Variants in TUBB1 observed in about 807,000 individuals in gnomAD.
TUBB1 encodes tubulin beta 1 class VI.
TUBB1 carries 28 observed loss-of-function variants against 22.6 expected under a neutral mutation model. The ratio of observed to expected loss-of-function variants is 1.24; its 90% CI spans 0.92 to 1.70. The LOEUF is 1.70. TUBB1 is among the 40% of genes most tolerant of loss of function. TUBB1 has a pLI of 0.00. For synonymous variants in TUBB1, 226 were observed against 238.0 expected (o/e 0.95, Z 0.46); for missense variants, 577 against 605.5 (o/e 0.95, Z 0.49).
chr20:59,022,522 T>C (rs1367614087), intron 1 of TUBB1, among the ~76,000 whole-genome samples: 1 of 152,204 alleles, frequency 6.6e-6, no homozygotes, highest in Non-Finnish European at 1.5e-5. Context: ...TAGAGCTATA[T>C]TGACATTAAA....
intron 1 of TUBB1, among the ~76,000 whole-genome samples, chr20:59,022,349 A>C (rs1030328862): frequency 6.6e-6 from 1 of 151,922 alleles, no homozygotes; most frequent in Non-Finnish European, 1.5e-5. Flanking sequence ...CTAATTACTT[A>C]AAATCATGCA....
Position 59,019,573 on chromosome 20 carries a change from A to G in TUBB1, c.51A>G (p.Gly17=). ...TTGGCCAGTGTGGCAACCAGATCGG[A>G]GCCAAGGTAAGTAATGTCTGGTTAC... is the stretch of plus-strand genomic sequence containing the variant. ...IQIGQCGNQI[G]AKFWEMIGEE... The change falls in exon 1 of 4, where the codon GGA becomes GGG. Residue 17 remains glycine, a synonymous_variant. Coordinates refer to ENST00000217133, the MANE Select transcript of TUBB1 (RefSeq NM_030773.4). 2.5e-6 allele frequency: 4 copies of G among 1,614,226 alleles called. No individual in the cohort carries two copies. The highest frequency in any genetic ancestry group is 3.4e-6 in the Non-Finnish European group (4 of 1,180,024).
At chr20:59,021,353 A>T (rs2091966187) in intron 1 of TUBB1, among the ~76,000 whole-genome samples, 1 of 152,188 alleles carries the variant, frequency 6.6e-6, no homozygotes, top group African/African-American at 2.4e-5. Flanking sequence ...TTAGAACTTG[A>T]ATTTATTTAT....
At position 59,024,701 on chromosome 20, in the gene TUBB1, T is replaced by G; in HGVS notation, c.1274T>G (p.Phe425Cys). ...IHDLVSEYQQ[F>C]QDAKAVLEED... ...GATTTGGTATCCGAGTACCAACAATTTCAAGATGCCAAAGCAGTTCTAGAG... is the reference window on the plus strand; with the variant it reads ...GATTTGGTATCCGAGTACCAACAATGTCAAGATGCCAAAGCAGTTCTAGAG... Residue 425 changes from phenylalanine to cysteine, a missense_variant, in exon 4 of 4, where the codon TTT (phenylalanine) becomes TGT (cysteine). Coordinates refer to ENST00000217133, the MANE Select transcript of TUBB1 (RefSeq NM_030773.4). This position sits in a 1 kb window ranked among gnomAD's most constrained non-coding sequence, Gnocchi z 4.9. The G allele has an allele frequency of 1.2e-6, 2 of 1,614,086 alleles. No individual in the cohort carries two copies. The highest frequency in any genetic ancestry group is 1.7e-6 in the Non-Finnish European group (2 of 1,180,012).
chr20:59,019,224 T>C (rs942711318), upstream of TUBB1: 1 of 475,038 alleles, frequency 2.1e-6, no homozygotes, highest in African/African-American at 2.0e-5. Context: ...AGGTGGCCTT[T>C]AATCTTGCAC....
chr20:59,016,672 G>A (rs1204150710), upstream of TUBB1, among the ~76,000 whole-genome samples: 2 of 152,118 alleles, frequency 1.3e-5, no homozygotes, highest in African/African-American at 4.8e-5. Flanking sequence ...TAATGTCTAT[G>A]GAAACAGAAT....
chr20:59,024,267 G>C lies in TUBB1; in HGVS notation c.840G>C (p.Gln280His). The change falls in exon 4 of 4, where the codon CAG becomes CAC. Residue 280 changes from glutamine to histidine, a missense_variant. By Grantham distance (24) the Gln-to-His change is conservative (BLOSUM62 0). Coordinates refer to ENST00000217133, the MANE Select transcript of TUBB1 (RefSeq NM_030773.4). The surrounding 1 kb of genome is among the most constrained non-coding windows in gnomAD (Gnocchi z 4.9). ...CACTCACGGCCCAGGGCAGCCAGCAGTACCGAGCCCTCTCCGTGGCCGAGC... is the reference window on the plus strand; with the variant it reads ...CACTCACGGCCCAGGGCAGCCAGCACTACCGAGCCCTCTCCGTGGCCGAGC... ...FAPLTAQGSQ[Q>H]YRALSVAELT... 6.2e-7 allele frequency: 1 copy of C among 1,614,040 alleles called. No individual in the cohort carries two copies. Among genetic ancestry groups the C allele is most frequent in the Non-Finnish European group, 8.5e-7 (1 of 1,180,048 alleles).
At chr20:59,022,360 C>G (rs1377647467) in intron 1 of TUBB1, among the ~76,000 whole-genome samples, 1 of 148,000 alleles carries the variant, frequency 6.8e-6, no homozygotes, top group Non-Finnish European at 1.5e-5. Flanking sequence ...AAATCATGCA[C>G]AGAGGTCCAA....
In TUBB1 at chr20:59,024,895, T is replaced by G; in HGVS notation, c.*112T>G. ...CTGCACTGCAGCACAGTGAATGATA[T>G]GCACTCACCATTAGCTTCGACACAG... On this transcript the variant is annotated 3_prime_UTR_variant, in exon 4 of 4. Transcript: ENST00000217133. This position sits in a 1 kb window ranked among gnomAD's most constrained non-coding sequence, Gnocchi z 4.9. 1.1e-6 allele frequency: 1 copy of G among 945,010 alleles called. No individual in the cohort carries two copies. The highest frequency in any genetic ancestry group is 1.7e-6 in the Non-Finnish European group (1 of 592,430). The allele number at this position is 945,010 out of a possible 1,614,324, so 58.5% of individuals were successfully genotyped here. A position where few individuals can be genotyped will look rare whatever the true frequency, so the allele number is the denominator to read the frequency against.
chr20:59,023,095 A>G (rs2091976035), intron 2 of TUBB1, 142 bp downstream of exon 2: 1 of 816,334 alleles, frequency 1.2e-6, no homozygotes, highest in Non-Finnish European at 2.0e-6. Flanking sequence ...AGGATCCTAG[A>G]GTGGTGGGTC....
Position 59,024,297 on chromosome 20 carries a change from CCAG to C in TUBB1, c.874_876del (p.Gln292del), listed in dbSNP as rs776328793. ...GAGCCCTCTCCGTGGCCGAGCTCAC[CCAG>C]CAGATGTTCGATGCCCGCAATACCA... On this transcript the variant is annotated inframe_deletion, in exon 4 of 4. Transcript: ENST00000217133. The surrounding 1 kb of genome is among the most constrained non-coding windows in gnomAD (Gnocchi z 4.9). 1.2e-6 allele frequency: 2 copies of C among 1,614,040 alleles called. No individual in the cohort carries two copies. The highest frequency in any genetic ancestry group is 1.1e-5 in the South Asian group (1 of 91,084).
At chr20:59,022,783 T>C in intron 1 of TUBB1, 62 bp from the exon 2 acceptor site, 1 of 1,499,194 alleles carries the variant, frequency 6.7e-7, no homozygotes, top group Non-Finnish European at 9.3e-7. Context: ...ATGCTAACTT[T>C]CTCTGTGGTT....
At position 59,024,694 on chromosome 20, in the gene TUBB1, C is replaced by G; in HGVS notation, c.1267C>G (p.Gln423Glu). ...CATCCATGATTTGGTATCCGAGTACCAACAATTTCAAGATGCCAAAGCAGT... is the reference window on the plus strand; with the variant it reads ...CATCCATGATTTGGTATCCGAGTACGAACAATTTCAAGATGCCAAAGCAGT... ...NNIHDLVSEY[Q>E]QFQDAKAVLE... Residue 423 changes from glutamine (Q) to glutamate (E), a missense_variant, in exon 4 of 4, where the codon CAA (glutamine) becomes GAA (glutamate). Transcript: ENST00000217133. The surrounding 1 kb of genome is among the most constrained non-coding windows in gnomAD (Gnocchi z 4.9). The G allele has an allele frequency of 6.2e-7, 1 of 1,613,934 alleles. No homozygotes were observed. Among genetic ancestry groups the G allele is most frequent in the South Asian group, 1.1e-5 (1 of 91,050 alleles).
chr20:59,023,725 A>C lies in TUBB1; in HGVS notation c.298A>C (p.Asn100His), dbSNP rs1380394917. The C allele has an allele frequency of 6.2e-7, 1 of 1,614,084 alleles. No individual in the cohort carries two copies. Among genetic ancestry groups the C allele is most frequent in the African/African-American group, 1.3e-5 (1 of 74,926 alleles). Residue 100 changes from asparagine to histidine, a missense_variant, in exon 4 of 4, where the codon AAC becomes CAC. Coordinates refer to ENST00000217133, the MANE Select transcript of TUBB1 (RefSeq NM_030773.4). ...CACAGGTAACTCTGGGGCTGGCAAC[A>C]ACTGGGCCAAAGGCCACTACACGGA... ...FVHGNSGAGN[N>H]WAKGHYTEGA...
Position 59,024,681 on chromosome 20 carries a change from G to A in TUBB1, c.1254G>A (p.Leu418=). Residue 418 remains leucine, a synonymous_variant, in exon 4 of 4, where the codon TTG becomes TTA. Coordinates refer to ENST00000217133, the MANE Select transcript of TUBB1 (RefSeq NM_030773.4). The surrounding 1 kb of genome is among the most constrained non-coding windows in gnomAD (Gnocchi z 4.9). ...AAGCTGAAAATAACATCCATGATTT[G>A]GTATCCGAGTACCAACAATTTCAAG... ...FGEAENNIHD[L]VSEYQQFQDA... 6.2e-7 allele frequency: 1 copy of A among 1,614,100 alleles called. No homozygotes were observed. The highest frequency in any genetic ancestry group is 1.1e-5 in the South Asian group (1 of 91,072).
rs1008289824 is a variant in TUBB1 at position 59,025,302 on chromosome 20, G to A, written c.*519G>A. On this transcript the variant is annotated 3_prime_UTR_variant, in exon 4 of 4. Coordinates refer to ENST00000217133, the MANE Select transcript of TUBB1 (RefSeq NM_030773.4). ...CAGGTGCCTGACTAGTACATGGGGAGCTACAGAGCCAAGGTCAATGTGAGT... is the reference window on the plus strand; with the variant it reads ...CAGGTGCCTGACTAGTACATGGGGAACTACAGAGCCAAGGTCAATGTGAGT... The A allele has an allele frequency of 1.5e-5, 3 of 197,634 alleles. No individual in the cohort carries two copies. Among genetic ancestry groups the A allele is most frequent in the Non-Finnish European group, 3.2e-5 (3 of 93,892 alleles). The allele number at this position is 197,634 out of a possible 1,614,324, so 12.2% of individuals were successfully genotyped here.
rs1274289353 is a variant in TUBB1, at chr20:59,026,177, C to T, written c.*1394C>T. The T allele has an allele frequency of 6.6e-6, 1 of 152,192 alleles. No individual in the cohort carries two copies. The highest frequency in any genetic ancestry group is 6.5e-5 in the Admixed American group (1 of 15,286). The allele number at this position is 152,192 out of a possible 1,614,324, so 9.4% of individuals were successfully genotyped here. On this transcript the variant is annotated 3_prime_UTR_variant, in exon 4 of 4. Coordinates refer to ENST00000217133, the MANE Select transcript of TUBB1 (RefSeq NM_030773.4). ...GATGACAGTTGCTCATTCTGAGAAACTTCACTCTTTTCACTTATGCATCAC... is the reference window on the plus strand; with the variant it reads ...GATGACAGTTGCTCATTCTGAGAAATTTCACTCTTTTCACTTATGCATCAC...
In TUBB1 at chr20:59,024,138, C is replaced by G; in HGVS notation, c.711C>G (p.Thr237=). ...TGTCCTTGACCATGAGCGGCATAACCACCTCCCTCCGGTTCCCGGGTCAGC... is the reference window on the plus strand; with the variant it reads ...TGTCCTTGACCATGAGCGGCATAACGACCTCCCTCCGGTTCCCGGGTCAGC... ...HLVSLTMSGI[T]TSLRFPGQLN... is the part of the protein sequence containing the mutation. The change falls in exon 4 of 4, where the codon ACC becomes ACG. Residue 237 remains threonine, a synonymous_variant. Coordinates refer to ENST00000217133, the MANE Select transcript of TUBB1 (RefSeq NM_030773.4). This position sits in a 1 kb window ranked among gnomAD's most constrained non-coding sequence, Gnocchi z 4.9. The G allele has an allele frequency of 6.2e-7, 1 of 1,614,222 alleles. No individual in the cohort carries two copies. The highest frequency in any genetic ancestry group is 8.5e-7 in the Non-Finnish European group (1 of 1,180,022).
Position 59,024,037 on chromosome 20 carries a change from A to G in TUBB1, c.610A>G (p.Asn204Asp). ...TGCAGATGCCTGTTTCTGCATTGAC[A>G]ATGAGGCCCTCTATGACATCTGCTT... ...ENADACFCID[N>D]EALYDICFRT... Residue 204 changes from asparagine (N) to aspartate (D), a missense_variant, in exon 4 of 4, where the codon AAT becomes GAT. Transcript: ENST00000217133. The surrounding 1 kb of genome is among the most constrained non-coding windows in gnomAD (Gnocchi z 4.9). 1 of 1,614,148 alleles carries G rather than the reference A, an allele frequency of 6.2e-7. No homozygotes were observed. Among genetic ancestry groups the G allele is most frequent in the East Asian group, 2.2e-5 (1 of 44,882 alleles).
Sources: allele counts gnomAD v4.1 joint callset (sites outside exome capture counted in the v4.1 genomes callset), GRCh38; gene constraint gnomAD v4.1.1; non-coding constraint Gnocchi (gnomAD v3.1); transcripts MANE v1.5; gene names NCBI Gene and HGNC (gene_info 2026-07-23, HGNC 2026-07-21).